METTL15: variants seen among roughly 807,000 people sequenced by gnomAD.
The protein encoded by METTL15 is 12S rRNA N(4)-cytidine methyltransferase METTL15.
A neutral mutation model predicts 38.3 loss-of-function variants in METTL15; 34 were observed. The ratio of observed to expected loss-of-function variants is 0.89; its 90% CI spans 0.68 to 1.18. METTL15 has a LOEUF of 1.18. METTL15 is among the 50% of genes most tolerant of loss of function. The probability of loss-of-function intolerance (pLI) is 0.00; values close to 1 mark genes in which losing one functional copy is unlikely to be tolerated. For missense variants in METTL15, 438 were observed against 498.4 expected, an observed-to-expected ratio of 0.88 and a Z score of 1.15; for synonymous variants, 162 against 170.9, an observed-to-expected ratio of 0.95 and a Z score of 0.41.
At chr11:28,161,904 C>T (rs558468069) in intron 3 of METTL15, among the ~76,000 whole-genome samples, 9 of 152,072 alleles carry the variant, frequency 5.9e-5, no homozygotes, top group African/African-American at 2.2e-4. Flanking sequence ...TTTTGAGGGT[C>T]ACTTACAGAG....
intron 3 of METTL15, among the ~76,000 whole-genome samples, chr11:28,138,658 A>G (rs1390421973): frequency 1.3e-5 from 2 of 152,208 alleles, no homozygotes; most frequent in African/African-American, 4.8e-5. Flanking sequence ...AGTCACACAG[A>G]TACTAACCGG....
intron 3 of METTL15, among the ~76,000 whole-genome samples, chr11:28,146,091 A>G (rs1849874278): frequency 1.3e-5 from 2 of 152,098 alleles, no homozygotes; most frequent in South Asian, 4.1e-4. Context: ...ATATATTTGC[A>G]AGACTGATTT....
At chr11:28,199,511 C>T (rs545843596) in intron 3 of METTL15, among the ~76,000 whole-genome samples, 6 of 152,122 alleles carry the variant, frequency 3.9e-5, no homozygotes, top group South Asian at 2.1e-4. Context: ...TATTTTTTAA[C>T]GCTCTTAATT....
At chr11:28,393,279 T>C (rs1164007851) in intron 5 of METTL15, among the ~76,000 whole-genome samples, 1 of 152,120 alleles carries the variant, frequency 6.6e-6, no homozygotes, top group African/African-American at 2.4e-5. Context: ...GTAGCGTAAA[T>C]GTCCATTTAT....
At chr11:28,141,659 G>C (rs2133661615) in intron 3 of METTL15, among the ~76,000 whole-genome samples, 1 of 152,242 alleles carries the variant, frequency 6.6e-6, no homozygotes, top group African/African-American at 2.4e-5. Flanking sequence ...CTGCACTCCA[G>C]CCTGGTTAAC....
At chr11:28,147,686 A>T (rs1849934122) in intron 3 of METTL15, among the ~76,000 whole-genome samples, 2 of 151,736 alleles carry the variant, frequency 1.3e-5, no homozygotes, top group African/African-American at 4.8e-5. Flanking sequence ...GATCTTTGAA[A>T]AATTCTGTGG....
intron 6 of METTL15, among the ~76,000 whole-genome samples, chr11:28,480,242 T>A (rs548188470): frequency 7.9e-5 from 12 of 152,308 alleles, no homozygotes; most frequent in African/African-American, 2.4e-4. Flanking sequence ...AAACACTGAT[T>A]TGTAGCATTT....
At chr11:28,197,504 G>A (rs889201328) in intron 3 of METTL15, 2 of 451,224 alleles carry the variant, frequency 4.4e-6, no homozygotes, top group Non-Finnish European at 9.3e-6. Context: ...GACTAGGATG[G>A]TGTATTTATT....
At chr11:28,152,311 T>C (rs1328392304) in intron 3 of METTL15, among the ~76,000 whole-genome samples, 4 of 152,028 alleles carry the variant, frequency 2.6e-5, no homozygotes, top group African/African-American at 9.7e-5. Flanking sequence ...TCTTAAATTA[T>C]GTACTAATGT....
intron 3 of METTL15, among the ~76,000 whole-genome samples, chr11:28,207,433 C>T (rs867010191): frequency 2.6e-5 from 4 of 152,084 alleles, no homozygotes; most frequent in Non-Finnish European, 5.9e-5. Flanking sequence ...ATATGTTGAA[C>T]CAGCCTTGCA....
intron 3 of METTL15, chr11:28,145,696 A>C (rs1353771678): frequency 6.6e-6 from 1 of 152,104 alleles, no homozygotes; most frequent in African/African-American, 2.4e-5. Context: ...AATTATTAAT[A>C]TAATTGCTTA....
At chr11:28,397,581 A>G (rs1443149256) in intron 5 of METTL15, among the ~76,000 whole-genome samples, 1 of 152,042 alleles carries the variant, frequency 6.6e-6, no homozygotes, top group African/African-American at 2.4e-5. Flanking sequence ...TTAAAAAGTC[A>G]GGAAACAACA....
At chr11:28,269,904 T>G (rs1320445354) in intron 4 of METTL15, among the ~76,000 whole-genome samples, 4 of 152,220 alleles carry the variant, frequency 2.6e-5, no homozygotes, top group Non-Finnish European at 4.4e-5. Flanking sequence ...CATTTGGAAT[T>G]AAGCAGAGGA....
intron 4 of METTL15, among the ~76,000 whole-genome samples, chr11:28,236,659 T>G (rs1853993873): frequency 2.6e-5 from 4 of 152,180 alleles, no homozygotes; most frequent in Admixed American, 2.6e-4. Flanking sequence ...GTTAGCTGGT[T>G]ATTTTGCTCA....
At chr11:28,340,091 G>C (rs1370496788) in intron 3 of METTL15, among the ~76,000 whole-genome samples, 1 of 151,924 alleles carries the variant, frequency 6.6e-6, no homozygotes, top group Non-Finnish European at 1.5e-5. Flanking sequence ...TCAGGAGATA[G>C]AGAAGTATAC....
intron 6 of METTL15, among the ~76,000 whole-genome samples, chr11:28,491,337 C>G (rs1195152410): frequency 6.6e-6 from 1 of 152,040 alleles, no homozygotes; most frequent in Non-Finnish European, 1.5e-5. Flanking sequence ...AAGGAGTCCC[C>G]TTATTGAAAC....
chr11:28,252,985 G>GTCT (rs1031761901), intron 4 of METTL15, among the ~76,000 whole-genome samples: 1 of 151,876 alleles, frequency 6.6e-6, no homozygotes, highest in African/African-American at 2.4e-5. Context: ...CTGCCTCTTG[G>GTCT]TCTCCTCCTC....
In METTL15 at chr11:28,366,451, G is replaced by A. The variant is rs554481332; in HGVS notation, c.*358+4415G>A. Among the ~76,000 whole-genome samples the A allele has an allele frequency of 2.6e-5, 4 of 152,000 alleles. No individual in the cohort carries two copies. In the South Asian group the frequency reaches 8.3e-4, roughly 32 times the overall value. ...AGGGTAGGACTAGGAGCAATGAGTA[G>A]AAACTATAAAGAAGCAGATTACAGC... On this transcript the variant is annotated intron_variant and NMD_transcript_variant, in intron 5 of 7. Transcript: ENST00000532947.
chr11:28,433,673 G>A (rs1850956469), intron 6 of METTL15, among the ~76,000 whole-genome samples: 1 of 152,076 alleles, frequency 6.6e-6, no homozygotes, highest in Admixed American at 6.6e-5. Context: ...GTTCTTCATG[G>A]AGCTTAGACT....
Sources: allele counts gnomAD v4.1 joint callset (sites outside exome capture counted in the v4.1 genomes callset), GRCh38; gene constraint gnomAD v4.1.1; transcripts MANE v1.5; gene names NCBI Gene and HGNC (gene_info 2026-07-23, HGNC 2026-07-21).